MAP3K9: variants seen among roughly 807,000 people sequenced by gnomAD.
The protein encoded by MAP3K9 is mitogen-activated protein kinase kinase kinase 9, also known as mixed lineage kinase 1 (tyr and ser/thr specificity).
A neutral mutation model predicts 95.8 loss-of-function variants in MAP3K9; 46 were observed. The observed-to-expected ratio is 0.48, with a 90% CI of 0.38 to 0.61. The LOEUF (loss-of-function observed/expected upper bound fraction) is 0.61. Among genes scored for constraint, MAP3K9 ranks in the 20% least tolerant of loss-of-function variants. The pLI, the probability that MAP3K9 is intolerant of heterozygous loss-of-function variation, is 0.00. For missense variants in MAP3K9, 1,296 were observed against 1,474.3 expected (o/e 0.88, Z 1.98); for synonymous variants, 533 against 593.8 (o/e 0.90, Z 1.49).
chr14:70,738,394 T>C lies in MAP3K9; in HGVS notation c.1695A>G (p.Thr565=), dbSNP rs749107779. The change falls in exon 8 of 12, where the codon ACA becomes ACG. Residue 565 remains threonine (T), a synonymous_variant. Coordinates refer to ENST00000554752, the MANE Select transcript of MAP3K9 (RefSeq NM_001284230.2). ...IIPRLRAIQL[T]PGESSKTWGR... ...CCCAGGTTTTGCTGCTTTCACCTGG[T>C]GTCACTGTGAATCACAAGGGTTGGA... 1.2e-6 allele frequency: 2 copies of C among 1,613,764 alleles called. No individual in the cohort carries two copies. The highest frequency in any genetic ancestry group is 1.7e-6 in the Non-Finnish European group (2 of 1,179,884).
chr14:70,759,349 G>A (rs1449268769), intron 3 of MAP3K9, among the ~76,000 whole-genome samples: 1 of 152,180 alleles, frequency 6.6e-6, no homozygotes, highest in African/African-American at 2.4e-5. Flanking sequence ...GGCTGAGGCA[G>A]GAGAATCACT....
intron 1 of MAP3K9, among the ~76,000 whole-genome samples, chr14:70,801,390 T>C (rs2054928606): frequency 6.6e-6 from 1 of 151,970 alleles, no homozygotes; most frequent in African/African-American, 2.4e-5. Flanking sequence ...ATGGGAGAGG[T>C]CCTTTTTTTT....
At chr14:70,804,444 C>T (rs2054967542) in intron 1 of MAP3K9, among the ~76,000 whole-genome samples, 1 of 152,110 alleles carries the variant, frequency 6.6e-6, no homozygotes, top group Admixed American at 6.5e-5. Context: ...AAGAGTCTTC[C>T]TGGTCATGGA....
chr14:70,778,377 G>T, intron 2 of MAP3K9, among the ~76,000 whole-genome samples: 1 of 151,484 alleles, frequency 6.6e-6, no homozygotes, highest in African/African-American at 2.4e-5. Flanking sequence ...TCAGGTTCAA[G>T]CAATTCTCAT....
At chr14:70,784,366 A>G (rs2054721454) in intron 2 of MAP3K9, among the ~76,000 whole-genome samples, 2 of 152,188 alleles carry the variant, frequency 1.3e-5, no homozygotes, top group South Asian at 4.1e-4. Context: ...CAAGAGCCCA[A>G]TAACATGGAA....
intron 5 of MAP3K9, 48 bp from the exon 6 acceptor site, chr14:70,742,639 C>T (rs373520508): frequency 1.3e-6 from 2 of 1,590,886 alleles, no homozygotes; most frequent in Admixed American, 1.7e-5. Context: ...GTGCTCAGTG[C>T]AGAGGGGCTC....
At chr14:70,775,143 GTTT>G (rs1487731704) in intron 2 of MAP3K9, among the ~76,000 whole-genome samples, 1 of 151,806 alleles carries the variant, frequency 6.6e-6, no homozygotes, top group Non-Finnish European at 1.5e-5. Context: ...ATAAACATGT[GTTT>G]TTGTTACTTT....
intron 1 of MAP3K9, 49 bp downstream of exon 1, chr14:70,808,717 C>T (rs1451241082): frequency 2.3e-6 from 3 of 1,323,680 alleles, no homozygotes; most frequent in African/African-American, 3.1e-5. Flanking sequence ...CGACCGCCCC[C>T]CAGGCCTCCG....
intron 3 of MAP3K9, among the ~76,000 whole-genome samples, chr14:70,756,167 ATT>A (rs2054296092): frequency 6.6e-6 from 1 of 152,212 alleles, no homozygotes; most frequent in South Asian, 2.1e-4. Context: ...CCTGTCTACA[ATT>A]TCTGTCATCC....
chr14:70,801,110 T>G, intron 1 of MAP3K9, 30 bp from the exon 2 acceptor site: 1 of 1,581,858 alleles, frequency 6.3e-7, no homozygotes, highest in Non-Finnish European at 8.6e-7. Context: ...AAGAAGCAAG[T>G]CAAAAACATC....
chr14:70,739,785 A>G, intron 7 of MAP3K9: 1 of 1,183,818 alleles, frequency 8.4e-7, no homozygotes, highest in Non-Finnish European at 1.2e-6. Flanking sequence ...GCAAACCACT[A>G]AAGATCCCAT....
Position 70,732,698 on chromosome 14 carries a change from C to A in MAP3K9, c.2671G>T (p.Asp891Tyr). The A allele has an allele frequency of 6.2e-7, 1 of 1,600,764 alleles. No homozygotes were observed. The highest frequency in any genetic ancestry group is 8.5e-7 in the Non-Finnish European group (1 of 1,171,490). The change falls in exon 11 of 12, where the codon GAT becomes TAT. Residue 891 changes from aspartate (D) to tyrosine (Y), a missense_variant. Physicochemically the swap from Asp to Tyr is radical, Grantham distance 160. Around this residue, in one of 5 missense-constraint regions of MAP3K9, gnomAD observed 433 missense variants for 441.4 expected, o/e 0.98. Transcript: ENST00000554752. ...GTGGGAGTCAGAGATTGGTTAGGATCTCGTTTGAAGCGCTCTACTCGGACA... is the reference window on the plus strand; with the variant it reads ...GTGGGAGTCAGAGATTGGTTAGGATATCGTTTGAAGCGCTCTACTCGGACA... ...VNVRVERFKR[D>Y]PNQSLTPTHV...
intron 9 of MAP3K9, 140 bp downstream of exon 9, chr14:70,735,821 A>C: frequency 1.4e-6 from 1 of 701,620 alleles, no homozygotes; most frequent in Non-Finnish European, 2.6e-6. Context: ...GGTACTGCTT[A>C]AAACAAAAAC....
chr14:70,770,187 TTTTG>T (rs1209475197), intron 2 of MAP3K9, among the ~76,000 whole-genome samples: 5 of 152,196 alleles, frequency 3.3e-5, no homozygotes, highest in East Asian at 3.9e-4. Flanking sequence ...TTTCTGTTTC[TTTTG>T]TTTGTTTGTT....
At position 70,734,462 on chromosome 14, in the gene MAP3K9, C is replaced by T. The variant is rs45600331; in HGVS notation, c.1950G>A (p.Ser650=). 37 of 1,613,428 alleles carry T rather than the reference C, an allele frequency of 2.3e-5. No homozygotes were observed. Among genetic ancestry groups the T allele is most frequent in the Admixed American group, 1.5e-4 (9 of 59,956 alleles). Residue 650 remains serine, a synonymous_variant, in exon 10 of 12, where the codon TCG becomes TCA. Coordinates refer to ENST00000554752, the MANE Select transcript of MAP3K9 (RefSeq NM_001284230.2). The part of the protein sequence containing the change: ...KSLVDGYKQW[S]SSAPNLVKGP... Reference sequence around the variant, plus strand: ...CCTTCACCAGGTTGGGGGCACTGGACGACCACTGCTTATATCCATCTACCA... The same window carrying T: ...CCTTCACCAGGTTGGGGGCACTGGATGACCACTGCTTATATCCATCTACCA...
intron 2 of MAP3K9, among the ~76,000 whole-genome samples, chr14:70,771,985 C>T (rs1256720047): frequency 6.6e-6 from 1 of 152,232 alleles, no homozygotes; most frequent in Non-Finnish European, 1.5e-5. Context: ...CTGTGCATCC[C>T]CCAGCTTCTC....
chr14:70,786,225 T>G (rs1281865109), intron 2 of MAP3K9, among the ~76,000 whole-genome samples: 1 of 152,088 alleles, frequency 6.6e-6, no homozygotes, highest in African/African-American at 2.4e-5. Flanking sequence ...TATTATTAAT[T>G]TAATCCAAAT....
chr14:70,738,265 C>G lies in MAP3K9; in HGVS notation c.1824G>C (p.Glu608Asp). ...CTTACCCTTCATCTCCCGAGGCAAG[C>G]TCCTTCTGACCAAGCGTCCCTGGCC... is the stretch of plus-strand genomic sequence containing the variant. ...TWGPGTLGQK[E>D]LASGDEGSPQ... The change falls in exon 8 of 12, where the codon GAG (glutamate) becomes GAC (aspartate). Residue 608 changes from glutamate (E) to aspartate (D), a missense_variant. Coordinates refer to ENST00000554752, the MANE Select transcript of MAP3K9 (RefSeq NM_001284230.2). 1 of 1,610,902 alleles carries G rather than the reference C, an allele frequency of 6.2e-7. No homozygotes were observed. Among genetic ancestry groups the G allele is most frequent in the South Asian group, 1.1e-5 (1 of 90,330 alleles).
intron 8 of MAP3K9, 137 bp downstream of exon 8, chr14:70,738,108 T>C (rs2054010541): frequency 2.0e-6 from 2 of 1,002,496 alleles, no homozygotes; most frequent in South Asian, 2.0e-5. Flanking sequence ...GAAAAACTGT[T>C]GTAAAGATCA....
Sources: gnomAD v4.1 joint callset for allele counts (sites outside exome capture counted in the v4.1 genomes callset) on GRCh38, gnomAD v4.1.1 for gene constraint, gnomAD v4.1.1 regional missense constraint, MANE v1.5 for transcripts, NCBI Gene and HGNC (gene_info 2026-07-23, HGNC 2026-07-21) for gene names.